ROBO1: variants seen among roughly 807,000 people sequenced by gnomAD.
The protein encoded by ROBO1 is roundabout guidance receptor 1.
ROBO1 carries 149 observed loss-of-function variants against 195.9 expected under a neutral mutation model. The ratio of observed to expected loss-of-function variants is 0.76; its 90% CI spans 0.67 to 0.87. ROBO1 has a LOEUF of 0.87. Ranked by LOEUF, ROBO1 falls within the 40% of genes least tolerant of loss-of-function variation. The probability of loss-of-function intolerance (pLI) is 0.00; values close to 1 mark genes in which losing one functional copy is unlikely to be tolerated. For synonymous variants in ROBO1, 816 were observed against 733.2 expected, an observed-to-expected ratio of 1.11 and a Z score of -1.82; for missense variants, 1,933 against 2,068.3, an observed-to-expected ratio of 0.93 and a Z score of 1.27.
intron 3 of ROBO1, among the ~76,000 whole-genome samples, chr3:79,012,937 A>C (rs2871747): frequency 0.99 from 151,113 of 152,174 alleles, 75,037 homozygotes; most frequent in East Asian, 1. Context: ...CATGCTAATC[A>C]AGAATTGTAA....
intron 4 of ROBO1, among the ~76,000 whole-genome samples, chr3:78,833,604 AAG>A (rs1428284385): frequency 3.9e-5 from 6 of 152,134 alleles, no homozygotes; most frequent in African/African-American, 1.4e-4. Flanking sequence ...GACAGGGAAA[AAG>A]AGAATCCAGG....
intron 7 of ROBO1, 113 bp downstream of exon 7, chr3:78,717,162 C>G: frequency 8.8e-7 from 1 of 1,132,592 alleles, no homozygotes; most frequent in East Asian, 2.7e-5. Context: ...TATCTGGCCC[C>G]TGATAGAGGA....
intron 2 of ROBO1, among the ~76,000 whole-genome samples, chr3:79,238,111 A>T (rs904585732): frequency 6.6e-5 from 10 of 152,212 alleles, no homozygotes; most frequent in African/African-American, 2.4e-4. Context: ...GAAAAGAGCC[A>T]CAATCAAGGA....
At chr3:78,907,771 T>A (rs1182520418) in intron 4 of ROBO1, among the ~76,000 whole-genome samples, 1 of 151,980 alleles carries the variant, frequency 6.6e-6, no homozygotes, top group Non-Finnish European at 1.5e-5. Flanking sequence ...TGGCTGAGTG[T>A]CTTCATTTCA....
intron 2 of ROBO1, among the ~76,000 whole-genome samples, chr3:79,347,311 G>A (rs2035160605): frequency 6.6e-6 from 1 of 152,112 alleles, no homozygotes. Context: ...AAAATCTCGT[G>A]AACACTTGAT....
chr3:79,535,962 A>G (rs1240252063), intron 2 of ROBO1, among the ~76,000 whole-genome samples: 1 of 152,060 alleles, frequency 6.6e-6, no homozygotes, highest in Non-Finnish European at 1.5e-5. Flanking sequence ...ATGCACTGAG[A>G]TTAAATAAAT....
chr3:78,922,024 G>A (rs2038962999), intron 4 of ROBO1, among the ~76,000 whole-genome samples: 2 of 152,002 alleles, frequency 1.3e-5, no homozygotes. Flanking sequence ...AGTAGATCAT[G>A]AGGTCTGCCC....
intron 1 of ROBO1, among the ~76,000 whole-genome samples, chr3:79,622,876 A>G (rs1945052543): frequency 6.6e-6 from 1 of 152,184 alleles, no homozygotes; most frequent in African/African-American, 2.4e-5. Context: ...ACCCTCCAAC[A>G]GGGGTATTCA....
chr3:79,311,327 A>G (rs982819999), intron 2 of ROBO1, among the ~76,000 whole-genome samples: 5 of 152,202 alleles, frequency 3.3e-5, no homozygotes, highest in Admixed American at 2.6e-4. Flanking sequence ...AATATTCTAT[A>G]TCATAATACT....
Position 78,771,921 on chromosome 3 carries a change from T to C in ROBO1, c.500-25021A>G, listed in dbSNP as rs2083386168. Among the ~76,000 whole-genome samples, 5 of 152,104 alleles carry C rather than the reference T, an allele frequency of 3.3e-5. No homozygotes were observed. The South Asian group carries it at 8.3e-4, about 25-fold the overall frequency. On this transcript the variant is annotated intron_variant, in intron 4 of 30. Transcript: ENST00000464233. ...CAATCCTTTTAAATTTCAATAGCCA[T>C]ATTACTCATTCTAAAGTGAGAATTT...
At chr3:78,610,945 A>G (rs1703772678) in intron 28 of ROBO1, among the ~76,000 whole-genome samples, 1 of 152,174 alleles carries the variant, frequency 6.6e-6, no homozygotes, top group Non-Finnish European at 1.5e-5. Flanking sequence ...ACAATCCCAT[A>G]TTCCACATAG....
At chr3:78,700,852 C>T (rs1046213912) in intron 8 of ROBO1, among the ~76,000 whole-genome samples, 1 of 151,904 alleles carries the variant, frequency 6.6e-6, no homozygotes, top group Non-Finnish European at 1.5e-5. Context: ...CAACCTCCAC[C>T]TCCCGGGTTC....
At chr3:78,998,171 C>T (rs2077412790) in intron 3 of ROBO1, among the ~76,000 whole-genome samples, 1 of 152,120 alleles carries the variant, frequency 6.6e-6, no homozygotes, top group Non-Finnish European at 1.5e-5. Flanking sequence ...AAAGAGTAAA[C>T]TTGTTCAAAA....
At chr3:78,895,443 T>C (rs1033797023) in intron 4 of ROBO1, among the ~76,000 whole-genome samples, 1 of 152,200 alleles carries the variant, frequency 6.6e-6, no homozygotes, top group Non-Finnish European at 1.5e-5. Context: ...AGAATATATT[T>C]TGAAATGCTA....
At chr3:79,225,124 T>A (rs927242481) in intron 2 of ROBO1, among the ~76,000 whole-genome samples, 2 of 152,124 alleles carry the variant, frequency 1.3e-5, no homozygotes, top group African/African-American at 4.8e-5. Flanking sequence ...ATGGTATTTT[T>A]TTCAGATTAA....
At chr3:79,046,679 C>T (rs900516882) in intron 3 of ROBO1, among the ~76,000 whole-genome samples, 2 of 151,902 alleles carry the variant, frequency 1.3e-5, no homozygotes, top group Non-Finnish European at 2.9e-5. Flanking sequence ...TCTGTCTCTC[C>T]TTTTCACATT....
intron 2 of ROBO1, among the ~76,000 whole-genome samples, chr3:79,137,657 G>A (rs557333982): frequency 4.6e-4 from 70 of 152,046 alleles, no homozygotes; most frequent in African/African-American, 1.6e-3. Context: ...CAGTATTTCC[G>A]TTTTCAAGAT....
chr3:78,661,872 T>A (rs1707424657), intron 15 of ROBO1, 121 bp downstream of exon 15: 1 of 1,163,930 alleles, frequency 8.6e-7, no homozygotes, highest in Admixed American at 2.6e-5. Context: ...TAATAAACAG[T>A]GCTTACACTA....
intron 1 of ROBO1, among the ~76,000 whole-genome samples, chr3:79,635,607 G>T (rs1945473279): frequency 6.6e-6 from 1 of 152,196 alleles, no homozygotes; most frequent in South Asian, 2.1e-4. Flanking sequence ...CTGTAATTGT[G>T]AAAGAAAGTT....
Sources: gnomAD v4.1 joint callset for allele counts (sites outside exome capture counted in the v4.1 genomes callset) on GRCh38, gnomAD v4.1.1 for gene constraint, MANE v1.5 for transcripts, NCBI Gene and HGNC (gene_info 2026-07-23, HGNC 2026-07-21) for gene names.